The following EEF1E1 variants were observed in gnomAD, a reference collection of about 807,000 sequenced individuals.
EEF1E1 encodes eukaryotic translation elongation factor 1 epsilon 1.
In EEF1E1, 19 loss-of-function variants were observed where a neutral mutation model predicts 19.9. The observed-to-expected ratio is 0.95, with a 90% CI of 0.66 to 1.40. The LOEUF is 1.40. Among genes scored for constraint, EEF1E1 ranks in the 40% most tolerant of loss-of-function variants. EEF1E1 has a pLI of 0.00. For missense variants in EEF1E1, 198 were observed against 202.2 expected, an observed-to-expected ratio of 0.98 and a Z score of 0.13; for synonymous variants, 81 against 80.0, an observed-to-expected ratio of 1.01 and a Z score of -0.07.
At chr6:8,076,411 C>T (rs1268310107), downstream of EEF1E1, among the ~76,000 whole-genome samples, 3 of 152,106 alleles carry the variant, frequency 2.0e-5, no homozygotes, top group Non-Finnish European at 2.9e-5. Flanking sequence ...GCAAGCTCCG[C>T]CTCCCGGGTT....
In EEF1E1 at chr6:8,073,443, T is replaced by C. The variant is rs1757527498; in HGVS notation, c.*32A>G. 3 of 1,551,054 alleles carry C rather than the reference T, an allele frequency of 1.9e-6. No homozygotes were observed. In the South Asian group the frequency reaches 3.6e-5, roughly 18 times the overall value. ...CAGACATTTGTGTTTGAATCTCAGTTCCTTGATCTCAGTTCCTTGTATGAT... is the reference window on the plus strand; with the variant it reads ...CAGACATTTGTGTTTGAATCTCAGTCCCTTGATCTCAGTTCCTTGTATGAT... On this transcript the variant is annotated 3_prime_UTR_variant, in exon 4 of 4. Transcript: ENST00000429723.
At chr6:8,077,095 C>T (rs894173584), downstream of EEF1E1, among the ~76,000 whole-genome samples, 11 of 152,102 alleles carry the variant, frequency 7.2e-5, no homozygotes, top group African/African-American at 9.7e-5. Context: ...AGGCGCCCGC[C>T]ACCACACCCA....
rs141291350 is a variant in EEF1E1 at position 8,081,585 on chromosome 6, T to C, written c.385-1555A>G. On this transcript the variant is annotated intron_variant, in intron 3 of 3. Coordinates refer to ENST00000379715, the MANE Select transcript of EEF1E1 (RefSeq NM_004280.5). ...CAAAAATATTTTGAAAAATATTTTG[T>C]AAAAGAGCATTTTGTTCTTTTTCTA... Among the ~76,000 whole-genome samples the C allele has an allele frequency of 4.5e-4, 68 of 152,268 alleles. 1 individual carries two copies. The East Asian group carries it at 6.9e-3, about 16-fold the overall frequency.
chr6:8,102,482 G>A lies in EEF1E1; in HGVS notation c.40C>T (p.Leu14=), dbSNP rs958073906. 12 of 1,612,260 alleles carry A rather than the reference G, an allele frequency of 7.4e-6. No homozygotes were observed. The highest frequency in any genetic ancestry group is 9.3e-6 in the Non-Finnish European group (11 of 1,179,992). The part of the protein sequence containing the change: ...AAELSLLEKS[L]GLSKGNKYSA... ...TATTTATTCCCCTTACTCAGTCCCA[G>A]GGACTTCTCCAGTAGCGACAACTCT... Residue 14 remains leucine, a synonymous_variant, in exon 1 of 4, where the codon CTG becomes TTG. Transcript: ENST00000379715.
chr6:8,099,751 A>ACACACAC (rs1758274473), intron 1 of EEF1E1, among the ~76,000 whole-genome samples: 4 of 92,966 alleles, frequency 4.3e-5, no homozygotes, highest in South Asian at 3.6e-4. Flanking sequence ...CCGCCTCAAA[A>ACACACAC]ACACACACAC....
chr6:8,085,318 G>T (rs1202148062), intron 3 of EEF1E1, among the ~76,000 whole-genome samples: 2 of 144,608 alleles, frequency 1.4e-5, no homozygotes, highest in Non-Finnish European at 3.1e-5. Context: ...CTGGTTAATG[G>T]TTTTTTTTTT....
At chr6:8,081,401 G>A (rs1331236484) in intron 3 of EEF1E1, among the ~76,000 whole-genome samples, 1 of 152,056 alleles carries the variant, frequency 6.6e-6, no homozygotes, top group Non-Finnish European at 1.5e-5. Context: ...CTTTTTTAAC[G>A]TAAAAGTTTA....
chr6:8,075,802 A>G (rs1757576117), downstream of EEF1E1, among the ~76,000 whole-genome samples: 3 of 152,332 alleles, frequency 2.0e-5, no homozygotes, highest in African/African-American at 4.8e-5. Flanking sequence ...CATTTCAACC[A>G]AAGTAGAACT....
intron 1 of EEF1E1, among the ~76,000 whole-genome samples, chr6:8,101,225 C>CAAAAAAAAAAAAAA (rs778878465): frequency 3.2e-4 from 1 of 3,116 alleles, no homozygotes; most frequent in African/African-American, 1.8e-3. Flanking sequence ...GACTTTGTCT[C>CAAAAAAAAAAAAAA]AAAAAAAAAA....
At chr6:8,085,957 T>C (rs1581461788) in intron 3 of EEF1E1, among the ~76,000 whole-genome samples, 1 of 152,220 alleles carries the variant, frequency 6.6e-6, no homozygotes, top group East Asian at 1.9e-4. Context: ...AAAATAGTTT[T>C]ATACTTCTGT....
downstream of EEF1E1, chr6:8,078,708 C>A (rs1757656378): frequency 7.8e-7 from 1 of 1,286,558 alleles, no homozygotes; most frequent in Non-Finnish European, 1.0e-6. Context: ...TTACAATCCT[C>A]ATTTTCTTAT....
At chr6:8,077,965 C>A (rs868441322), downstream of EEF1E1, among the ~76,000 whole-genome samples, 1 of 152,066 alleles carries the variant, frequency 6.6e-6, no homozygotes, top group South Asian at 2.1e-4. Flanking sequence ...TTTGTAGAGA[C>A]GGGGCTTTGT....
rs183379818 is a variant in EEF1E1, at chr6:8,087,773, C to T, written c.384+2413G>A. ...GAACAAAAGATTCTAAATACTGGAA[C>T]TTGGGCAATGTCATTGGATCACAGG... On this transcript the variant is annotated intron_variant, in intron 3 of 3. Coordinates refer to ENST00000379715, the MANE Select transcript of EEF1E1 (RefSeq NM_004280.5). Among the ~76,000 whole-genome samples the T allele has an allele frequency of 1.2e-3, 189 of 151,894 alleles. 1 individual carries two copies. Among genetic ancestry groups the T allele is most frequent in the Admixed American group, 4.5e-3 (69 of 15,246 alleles).
intron 1 of EEF1E1, 101 bp downstream of exon 1, chr6:8,102,334 C>T: frequency 2.4e-6 from 3 of 1,230,418 alleles, no homozygotes; most frequent in Non-Finnish European, 3.4e-6. Flanking sequence ...TAGCAGCATC[C>T]TCACTCCGCC....
At chr6:8,091,684 A>AAG (rs2113654754) in intron 2 of EEF1E1, among the ~76,000 whole-genome samples, 1 of 152,372 alleles carries the variant, frequency 6.6e-6, no homozygotes, top group South Asian at 2.1e-4. Flanking sequence ...ACATTGAATT[A>AAG]TAGTCAATTA....
At chr6:8,092,954 A>G (rs912865867) in intron 2 of EEF1E1, among the ~76,000 whole-genome samples, 1 of 142,756 alleles carries the variant, frequency 7.0e-6, no homozygotes, top group Non-Finnish European at 1.5e-5. Flanking sequence ...GGCTCACCAC[A>G]ACCTCTGCCT....
At chr6:8,086,960 T>C (rs1757874166) in intron 3 of EEF1E1, among the ~76,000 whole-genome samples, 2 of 152,156 alleles carry the variant, frequency 1.3e-5, no homozygotes, top group South Asian at 2.1e-4. Flanking sequence ...GAAGTGTACA[T>C]GAGGTACAAA....
At chr6:8,093,576 T>C (rs1209762071) in intron 2 of EEF1E1, among the ~76,000 whole-genome samples, 16 of 152,132 alleles carry the variant, frequency 1.1e-4, no homozygotes, top group Admixed American at 9.8e-4. Context: ...AACTTAGCAT[T>C]GTGGTTTTAT....
At chr6:8,096,826 G>C (rs1758188122) in intron 2 of EEF1E1, among the ~76,000 whole-genome samples, 2 of 152,094 alleles carry the variant, frequency 1.3e-5, no homozygotes, top group Non-Finnish European at 2.9e-5. Context: ...AGCTTTCCCA[G>C]ATCAGACAGT....
Sources: gnomAD v4.1 joint callset for allele counts (sites outside exome capture counted in the v4.1 genomes callset) on GRCh38, gnomAD v4.1.1 for gene constraint, MANE v1.5 for transcripts, NCBI Gene and HGNC (gene_info 2026-07-23, HGNC 2026-07-21) for gene names.